The following MYO18B variants were observed in gnomAD, a reference collection of about 807,000 sequenced individuals.
The protein encoded by MYO18B is unconventional myosin-XVIIIb.
MYO18B carries 204 observed loss-of-function variants against 273.0 expected under a neutral mutation model. The observed-to-expected ratio is 0.75, with a 90% CI of 0.67 to 0.84. The LOEUF is 0.84. MYO18B is among the 40% of genes least tolerant of loss of function. MYO18B has a pLI of 0.00. For synonymous variants in MYO18B, 1,330 were observed against 1,305.7 expected (o/e 1.02, Z -0.40); for missense variants, 3,212 against 3,287.6 (o/e 0.98, Z 0.56).
At chr22:25,780,626 A>G (rs1421011622) in intron 9 of MYO18B, among the ~76,000 whole-genome samples, 1 of 141,624 alleles carries the variant, frequency 7.1e-6, no homozygotes, top group African/African-American at 2.6e-5. Flanking sequence ...AAAAAAAAAA[A>G]GAAAGAAAGA....
chr22:25,866,039 T>TC (rs2090875679), intron 21 of MYO18B, among the ~76,000 whole-genome samples: 1 of 152,186 alleles, frequency 6.6e-6, no homozygotes, highest in Non-Finnish European at 1.5e-5. Flanking sequence ...GGAGCTTCCT[T>TC]CCTGATTGCA....
At chr22:25,923,607 C>T (rs992246848) in intron 34 of MYO18B, among the ~76,000 whole-genome samples, 1 of 152,196 alleles carries the variant, frequency 6.6e-6, no homozygotes, top group Non-Finnish European at 1.5e-5. Context: ...ATGCTTTTGA[C>T]TCACATTGCG....
At chr22:25,850,119 C>T (rs529665648) in intron 20 of MYO18B, among the ~76,000 whole-genome samples, 1 of 152,272 alleles carries the variant, frequency 6.6e-6, no homozygotes, top group Admixed American at 6.5e-5. Context: ...CTCCTCTTCC[C>T]CAGGAAGTCT....
At chr22:26,060,185 T>A in the MYO18B span, among the ~76,000 whole-genome samples, 1 of 152,212 alleles carries the variant, frequency 6.6e-6, no homozygotes, top group Non-Finnish European at 1.5e-5. Context: ...CTTGTTTTTA[T>A]ATAGTTTCAT....
Position 25,798,051 on chromosome 22 carries a change from G to C in MYO18B, c.2475G>C (p.Arg825=), listed in dbSNP as rs1307618617. Residue 825 remains arginine (R), a synonymous_variant, in exon 12 of 44, where the codon CGG becomes CGC. Coordinates refer to ENST00000335473, the MANE Select transcript of MYO18B (RefSeq NM_032608.7). Reference sequence around the variant, plus strand: ...AGAGCGAGCAGCGGGCTGTTTGGCGGGTCCTGGCAGCCATCTACCACCTGG... The same window carrying C: ...AGAGCGAGCAGCGGGCTGTTTGGCGCGTCCTGGCAGCCATCTACCACCTGG... ...ISESEQRAVW[R]VLAAIYHLGA... 1 of 1,611,952 alleles carries C rather than the reference G, an allele frequency of 6.2e-7. No individual in the cohort carries two copies. Among genetic ancestry groups the C allele is most frequent in the Non-Finnish European group, 8.5e-7 (1 of 1,178,204 alleles).
At chr22:25,809,602 C>T (rs1299452267) in intron 12 of MYO18B, among the ~76,000 whole-genome samples, 2 of 152,140 alleles carry the variant, frequency 1.3e-5, no homozygotes, top group Non-Finnish European at 2.9e-5. Context: ...ATCTAGCTGG[C>T]ACCTCACTCC....
At chr22:25,901,714 G>A (rs895488446) in intron 29 of MYO18B, among the ~76,000 whole-genome samples, 2 of 151,672 alleles carry the variant, frequency 1.3e-5, no homozygotes, top group Admixed American at 6.6e-5. Flanking sequence ...TTTGTTCATT[G>A]GTCAGGAAAT....
intron 22 of MYO18B, 60 bp from the exon 23 acceptor site, chr22:25,874,226 C>A (rs952868264): frequency 2.6e-5 from 41 of 1,601,408 alleles, no homozygotes; most frequent in Non-Finnish European, 3.4e-5. Flanking sequence ...TGCAAGCACC[C>A]CCCCATTGTA....
chr22:25,881,119 G>A (rs1395153748), intron 25 of MYO18B, among the ~76,000 whole-genome samples: 1 of 152,252 alleles, frequency 6.6e-6, no homozygotes, highest in Non-Finnish European at 1.5e-5. Flanking sequence ...GATAACCCAA[G>A]TTGAGCCTGA....
intron 34 of MYO18B, among the ~76,000 whole-genome samples, chr22:25,929,743 T>C (rs1389778970): frequency 9.2e-5 from 14 of 152,140 alleles, no homozygotes; most frequent in Non-Finnish European, 4.4e-5. Flanking sequence ...TAAATAGCTC[T>C]GAAATGCATC....
At chr22:25,996,646 C>T (rs1022862026) in intron 40 of MYO18B, among the ~76,000 whole-genome samples, 2 of 152,104 alleles carry the variant, frequency 1.3e-5, no homozygotes, top group Middle Eastern at 3.4e-3. Flanking sequence ...ATTGGAGTTA[C>T]GAGGCCAGAG....
chr22:26,003,530 C>T (rs1934164704), intron 41 of MYO18B, among the ~76,000 whole-genome samples: 1 of 152,186 alleles, frequency 6.6e-6, no homozygotes, highest in Non-Finnish European at 1.5e-5. Flanking sequence ...ATGCTACTGT[C>T]CTCAGACACC....
chr22:25,754,381 C>T (rs373396703), intron 1 of MYO18B, among the ~76,000 whole-genome samples: 1 of 152,026 alleles, frequency 6.6e-6, no homozygotes, highest in Admixed American at 6.6e-5. Flanking sequence ...GTGGTTATGG[C>T]GGGGGCGCTA....
chr22:25,873,305 G>A (rs544039210), intron 22 of MYO18B, among the ~76,000 whole-genome samples: 84 of 152,218 alleles, frequency 5.5e-4, no homozygotes, highest in African/African-American at 1.9e-3. Context: ...ATCGTGTACC[G>A]AGAGCTGTTT....
rs1037674642 is a variant in MYO18B at position 26,007,137 on chromosome 22, G to T, written c.6470+2282G>T. ...ACCAAGAACAGGGAGGGGGCAGGAG[G>T]CAAGGGAGATACTTACACATCTGTA... On this transcript the variant is annotated intron_variant, in intron 42 of 43. Transcript: ENST00000335473. Among the ~76,000 whole-genome samples the T allele has an allele frequency of 2.0e-5, 3 of 152,206 alleles. No individual in the cohort carries two copies. In the South Asian group the frequency reaches 6.2e-4, roughly 32 times the overall value.
chr22:25,835,170 A>G, intron 16 of MYO18B, 126 bp from the exon 17 acceptor site: 1 of 1,150,560 alleles, frequency 8.7e-7, no homozygotes, highest in Non-Finnish European at 1.2e-6. Context: ...GGTTTTGGGT[A>G]GGCACGTTCT....
downstream of MYO18B, among the ~76,000 whole-genome samples, chr22:26,035,998 C>G (rs1385188692): frequency 3.3e-5 from 5 of 152,328 alleles, no homozygotes; most frequent in Non-Finnish European, 7.3e-5. Flanking sequence ...GCCCCTGGCT[C>G]TCTGCAGAGT....
chr22:25,898,357 A>G lies in MYO18B; in HGVS notation c.4719A>G (p.Gln1573=). ...AYDGAKKMAH[Q]LKRKCHHLTC... The stretch of plus-strand genomic sequence containing the variant: ...ACGGGGCCAAGAAGATGGCTCACCA[A>G]CTGAAGAGGAAGTGCCACCATCTTA... The change falls in exon 29 of 44, where the codon CAA becomes CAG. Residue 1573 remains glutamine, a synonymous_variant. Coordinates refer to ENST00000335473, the MANE Select transcript of MYO18B (RefSeq NM_032608.7). 1.2e-6 allele frequency: 2 copies of G among 1,613,962 alleles called. No homozygotes were observed. Among genetic ancestry groups the G allele is most frequent in the South Asian group, 1.1e-5 (1 of 91,070 alleles).
intron 17 of MYO18B, among the ~76,000 whole-genome samples, chr22:25,836,916 C>G (rs562675807): frequency 2.0e-5 from 3 of 151,392 alleles, no homozygotes; most frequent in Admixed American, 2.0e-4. Context: ...GAGCCAAGAT[C>G]GCACCAGGGC....
Sources: gnomAD v4.1 joint callset for allele counts (sites outside exome capture counted in the v4.1 genomes callset) on GRCh38, gnomAD v4.1.1 for gene constraint, MANE v1.5 for transcripts, NCBI Gene and HGNC (gene_info 2026-07-23, HGNC 2026-07-21) for gene names.